ARHGAP21: variants seen among roughly 807,000 people sequenced by gnomAD.
ARHGAP21 encodes the protein rho GTPase-activating protein 21.
Under a neutral mutation model 164.6 loss-of-function variants are expected in ARHGAP21, and 38 were observed. That is an observed-to-expected ratio of 0.23 (90% CI 0.18 to 0.30). The LOEUF (loss-of-function observed/expected upper bound fraction) is 0.30, where lower values mean the gene tolerates loss of function less well. Ranked by LOEUF, ARHGAP21 falls within the 10% of genes least tolerant of loss-of-function variation. The pLI, the probability that ARHGAP21 is intolerant of heterozygous loss-of-function variation, is 1.00. For missense variants in ARHGAP21, 1,822 were observed against 2,370.7 expected (o/e 0.77, Z 4.81); for synonymous variants, 766 against 857.9 (o/e 0.89, Z 1.87).
intron 2 of ARHGAP21, among the ~76,000 whole-genome samples, chr10:24,709,775 C>T (rs978049034): frequency 7.5e-6 from 1 of 133,344 alleles, no homozygotes; most frequent in Admixed American, 7.8e-5. Flanking sequence ...AAGGACACAA[C>T]AACAACAACA....
intron 6 of ARHGAP21, among the ~76,000 whole-genome samples, chr10:24,631,623 TTAAC>T (rs1459633448): frequency 6.6e-6 from 1 of 152,240 alleles, no homozygotes; most frequent in African/African-American, 2.4e-5. Flanking sequence ...TCAAATAAAT[TTAAC>T]TAGTAAAATA....
intron 2 of ARHGAP21, among the ~76,000 whole-genome samples, chr10:24,680,847 A>T (rs1037846670): frequency 1.3e-5 from 2 of 152,100 alleles, no homozygotes; most frequent in Admixed American, 1.3e-4. Context: ...CACACATCTT[A>T]TTTCCCTAAT....
intron 9 of ARHGAP21, among the ~76,000 whole-genome samples, chr10:24,609,240 G>A (rs996032932): frequency 1.3e-5 from 2 of 152,174 alleles, no homozygotes; most frequent in African/African-American, 2.4e-5. Context: ...AATTCAAATT[G>A]TGCATGGATT....
intron 4 of ARHGAP21, among the ~76,000 whole-genome samples, chr10:24,650,965 CAA>C (rs148327240): frequency 7.7e-6 from 1 of 129,694 alleles, no homozygotes. Flanking sequence ...GCTGAGGAGA[CAA>C]AAAAAAAAAG....
chr10:24,655,678 G>A (rs1021698579), intron 4 of ARHGAP21, among the ~76,000 whole-genome samples: 3 of 138,640 alleles, frequency 2.2e-5, no homozygotes, highest in Non-Finnish European at 3.1e-5. Flanking sequence ...GCCGCCCATC[G>A]TCTGGGATGT....
intron 3 of ARHGAP21, among the ~76,000 whole-genome samples, chr10:24,667,887 C>T (rs941070526): frequency 7.9e-5 from 12 of 151,380 alleles, no homozygotes; most frequent in African/African-American, 2.7e-4. Flanking sequence ...ATTTTTAATT[C>T]GTTTGAAGTG....
intron 8 of ARHGAP21, 104 bp from the exon 9 acceptor site, chr10:24,621,473 G>C: frequency 2.8e-6 from 3 of 1,053,734 alleles, no homozygotes; most frequent in Non-Finnish European, 4.1e-6. Context: ...TCGTTCCTGA[G>C]TGACATTCAC....
In ARHGAP21 at chr10:24,670,392, T is replaced by C. The variant is rs750503097; in HGVS notation, c.69A>G (p.Ser23=). The change falls in exon 3 of 26, where the codon TCA becomes TCG. Residue 23 remains serine (S), a synonymous_variant. Coordinates refer to ENST00000396432, the MANE Select transcript of ARHGAP21 (RefSeq NM_020824.4). Reference sequence around the variant, plus strand: ...TTTGTTCTTTTCCATCTTTATTTTTTGAGACCTAAAGTGAAAAGATATTTA... The same window carrying C: ...TTTGTTCTTTTCCATCTTTATTTTTCGAGACCTAAAGTGAAAAGATATTTA... ...DGDKLKACEV[S]KNKDGKEQSE... The C allele has an allele frequency of 9.4e-6, 15 of 1,590,520 alleles. No homozygotes were observed. In the African/African-American group the frequency reaches 1.9e-4, roughly 20 times the overall value.
intron 11 of ARHGAP21, among the ~76,000 whole-genome samples, chr10:24,606,133 T>G (rs1695939485): frequency 6.6e-6 from 1 of 152,102 alleles, no homozygotes; most frequent in Admixed American, 6.5e-5. Flanking sequence ...TAAACATAAA[T>G]TTTGTTATAA....
intron 4 of ARHGAP21, among the ~76,000 whole-genome samples, chr10:24,649,900 A>G (rs1453279208): frequency 6.6e-6 from 1 of 152,178 alleles, no homozygotes; most frequent in African/African-American, 2.4e-5. Context: ...TGAAGAAACT[A>G]TAAGAAGTGA....
Position 24,670,310 on chromosome 10 carries a change from C to A in ARHGAP21, c.151G>T (p.Val51Phe). The A allele has an allele frequency of 1.2e-6, 2 of 1,609,764 alleles. No homozygotes were observed. Among genetic ancestry groups the A allele is most frequent in the Non-Finnish European group, 1.7e-6 (2 of 1,177,584 alleles). ...CCTTGAGATGTTCTTTTCAACGTAA[C>A]TGTTTTGGGACCTGGCCAGGAGAAT... ...ETFSWPGPKT[V>F]TLKRTSQGFG... Residue 51 changes from valine (V) to phenylalanine (F), a missense_variant, in exon 3 of 26, where the codon GTT becomes TTT. Around this residue, in one of 5 missense-constraint regions of ARHGAP21, gnomAD observed 1,090 missense variants for 1,378.9 expected, o/e 0.79. Coordinates refer to ENST00000396432, the MANE Select transcript of ARHGAP21 (RefSeq NM_020824.4).
At chr10:24,671,577 G>C (rs1840707300) in intron 2 of ARHGAP21, among the ~76,000 whole-genome samples, 1 of 152,062 alleles carries the variant, frequency 6.6e-6, no homozygotes. Context: ...CCCAGCAGTT[G>C]AGACTAGATT....
intron 2 of ARHGAP21, among the ~76,000 whole-genome samples, chr10:24,705,974 T>C (rs932831248): frequency 2.0e-5 from 3 of 152,196 alleles, no homozygotes; most frequent in African/African-American, 7.2e-5. Flanking sequence ...AAGCAGACAA[T>C]AGCTAACCTA....
At chr10:24,715,029 C>CAA (rs66519158) in intron 2 of ARHGAP21, among the ~76,000 whole-genome samples, 2,685 of 143,324 alleles carry the variant, frequency 0.019, 78 homozygotes, top group African/African-American at 0.052. Context: ...GAGTCCATCT[C>CAA]AAAAAAAAAA....
chr10:24,589,126 A>G (rs1008391372), intron 25 of ARHGAP21, 145 bp downstream of exon 25: 7 of 746,756 alleles, frequency 9.4e-6, no homozygotes, highest in African/African-American at 1.8e-5. Flanking sequence ...CTTATCATAT[A>G]TTGTTTTAGG....
At chr10:24,664,617 A>T (rs1395988688) in intron 4 of ARHGAP21, among the ~76,000 whole-genome samples, 3 of 151,840 alleles carry the variant, frequency 2.0e-5, no homozygotes, top group African/African-American at 7.2e-5. Flanking sequence ...CCGTGAATTT[A>T]TGTGTACTAA....
At chr10:24,634,961 T>C (rs935976750) in intron 5 of ARHGAP21, 50 bp downstream of exon 5, 4 of 1,313,316 alleles carry the variant, frequency 3.0e-6, no homozygotes, top group South Asian at 1.7e-5. Context: ...ATGGAAGAAA[T>C]AAAGTGAAAA....
chr10:24,596,333 AGAGTC>A (rs1458976876), intron 17 of ARHGAP21: 1 of 432,704 alleles, frequency 2.3e-6, no homozygotes, highest in Non-Finnish European at 4.0e-6. Context: ...CGCTGAATAA[AGAGTC>A]AAGAAAAGAG....
intron 2 of ARHGAP21, among the ~76,000 whole-genome samples, chr10:24,699,093 A>G (rs1235045165): frequency 6.6e-6 from 1 of 152,026 alleles, no homozygotes; most frequent in Non-Finnish European, 1.5e-5. Context: ...TTTCTCTTCA[A>G]TCTTTAGCTC....
Sources: gnomAD v4.1 joint callset for allele counts (sites outside exome capture counted in the v4.1 genomes callset) on GRCh38, gnomAD v4.1.1 for gene constraint, gnomAD v4.1.1 regional missense constraint, MANE v1.5 for transcripts, NCBI Gene and HGNC (gene_info 2026-07-23, HGNC 2026-07-21) for gene names.